The following PTPRO variants were observed in gnomAD, a reference collection of about 807,000 sequenced individuals.
The protein encoded by PTPRO is protein tyrosine phosphatase receptor type O, also known as receptor-type tyrosine-protein phosphatase O.
Under a neutral mutation model 145.2 loss-of-function variants are expected in PTPRO, and 62 were observed. The ratio of observed to expected loss-of-function variants is 0.43; its 90% CI spans 0.35 to 0.53. PTPRO has a LOEUF of 0.53. PTPRO is among the 20% of genes least tolerant of loss of function. The pLI is 0.01. For missense variants in PTPRO, 1,345 were observed against 1,482.7 expected (o/e 0.91, Z 1.53); for synonymous variants, 565 against 514.7 (o/e 1.10, Z -1.32).
At chr12:15,462,865 T>C (rs896460942) in intron 1 of PTPRO, among the ~76,000 whole-genome samples, 3 of 152,208 alleles carry the variant, frequency 2.0e-5, no homozygotes, top group African/African-American at 7.2e-5. Flanking sequence ...TAAAAATTTC[T>C]TTCTTACTTT....
chr12:15,430,762 A>G (rs1940413736), intron 1 of PTPRO, among the ~76,000 whole-genome samples: 1 of 152,188 alleles, frequency 6.6e-6, no homozygotes, highest in African/African-American at 2.4e-5. Context: ...AGGTAATGCA[A>G]TGTTAATTAG....
At chr12:15,432,777 C>A (rs753199906) in intron 1 of PTPRO, among the ~76,000 whole-genome samples, 5 of 152,112 alleles carry the variant, frequency 3.3e-5, no homozygotes, top group Non-Finnish European at 5.9e-5. Context: ...TTTTCATATG[C>A]TTGTTGGCCT....
chr12:15,354,734 G>A (rs1241253737), intron 1 of PTPRO, among the ~76,000 whole-genome samples: 1 of 152,032 alleles, frequency 6.6e-6, no homozygotes, highest in African/African-American at 2.4e-5. Flanking sequence ...TATATACATG[G>A]TCTTTCTGGA....
intron 12 of PTPRO, among the ~76,000 whole-genome samples, chr12:15,527,202 G>C (rs1942858327): frequency 6.6e-6 from 1 of 152,178 alleles, no homozygotes; most frequent in Admixed American, 6.5e-5. Context: ...CAGAGCCATA[G>C]AGAAGTGAAA....
chr12:15,550,602 T>C (rs1305669750), intron 14 of PTPRO, among the ~76,000 whole-genome samples: 1 of 152,188 alleles, frequency 6.6e-6, no homozygotes, highest in Non-Finnish European at 1.5e-5. Context: ...TCTCTCCAAA[T>C]AGCAGTACTC....
intron 1 of PTPRO, among the ~76,000 whole-genome samples, chr12:15,409,834 A>G (rs540256773): frequency 1.3e-5 from 2 of 152,352 alleles, no homozygotes; most frequent in Middle Eastern, 3.4e-3. Flanking sequence ...TAAACCCTTC[A>G]TGAGAAATCT....
intron 1 of PTPRO, among the ~76,000 whole-genome samples, chr12:15,462,239 C>T (rs1464223913): frequency 2.6e-5 from 4 of 152,162 alleles, no homozygotes; most frequent in Non-Finnish European, 2.9e-5. Context: ...GTTCTCCTGC[C>T]TCAGTGTCCC....
intron 1 of PTPRO, among the ~76,000 whole-genome samples, chr12:15,333,835 C>T (rs1170031080): frequency 1.3e-5 from 2 of 152,002 alleles, no homozygotes; most frequent in Non-Finnish European, 2.9e-5. Context: ...TAGAGTAAAC[C>T]ACTGAGGACC....
chr12:15,556,524 T>G (rs1394995948), intron 15 of PTPRO, among the ~76,000 whole-genome samples: 2 of 151,444 alleles, frequency 1.3e-5, no homozygotes, highest in Admixed American at 1.3e-4. Flanking sequence ...AAAAAAAAAC[T>G]TCAACAGTGT....
intron 1 of PTPRO, among the ~76,000 whole-genome samples, chr12:15,396,526 G>A (rs1939344592): frequency 6.6e-6 from 1 of 152,024 alleles, no homozygotes; most frequent in South Asian, 2.1e-4. Flanking sequence ...TATAAAACAT[G>A]TGAATCCAAA....
intron 7 of PTPRO, among the ~76,000 whole-genome samples, chr12:15,513,092 G>A (rs1271901680): frequency 8.1e-4 from 16 of 19,664 alleles, no homozygotes; most frequent in African/African-American, 2.0e-3. Context: ...AAGAAAGAAA[G>A]AAGAAAGAAA....
At position 15,468,243 on chromosome 12, in the gene PTPRO, G is replaced by C. The variant is rs185244207; in HGVS notation, c.76-15731G>C. 7.9e-5 allele frequency among the ~76,000 whole-genome samples: 12 copies of C among 152,212 alleles called. No homozygotes were observed. In the East Asian group the frequency reaches 2.3e-3, roughly 29 times the overall value. On this transcript the variant is annotated intron_variant, in intron 1 of 26. Coordinates refer to ENST00000281171, the MANE Select transcript of PTPRO (RefSeq NM_030667.3). ...ACTTTCCACCCCCAATAGGAATTCT[G>C]GAGCCAGCAAGTAACATCATAAAGT...
intron 7 of PTPRO, among the ~76,000 whole-genome samples, chr12:15,513,509 T>G (rs1942511931): frequency 6.6e-6 from 1 of 152,222 alleles, no homozygotes; most frequent in Non-Finnish European, 1.5e-5. Context: ...ATATGGCTCC[T>G]TTTACTTACA....
At chr12:15,444,228 C>T (rs1591817286) in intron 1 of PTPRO, among the ~76,000 whole-genome samples, 1 of 152,082 alleles carries the variant, frequency 6.6e-6, no homozygotes, top group South Asian at 2.1e-4. Flanking sequence ...CAAATTAACA[C>T]AGGAACAGAA....
At chr12:15,521,649 C>T (rs993633995) in intron 10 of PTPRO, among the ~76,000 whole-genome samples, 2 of 152,078 alleles carry the variant, frequency 1.3e-5, no homozygotes, top group African/African-American at 2.4e-5. Context: ...ATTTTCTCAC[C>T]GGTAGAACCC....
At chr12:15,390,520 C>T (rs1238989090) in intron 1 of PTPRO, among the ~76,000 whole-genome samples, 1 of 152,018 alleles carries the variant, frequency 6.6e-6, no homozygotes. Context: ...CCTGCCACCT[C>T]CCAGTGGGTC....
chr12:15,581,717 T>G lies in PTPRO; in HGVS notation c.3171T>G (p.Pro1057=), dbSNP rs1156915928. ...ATTACTGGCCATTCACGGAAGAACC[T>G]ATAGCCTATGGAGACATCACTGTGG... The part of the protein sequence containing the change: ...CDHYWPFTEE[P]IAYGDITVEM... Residue 1057 remains proline, a synonymous_variant, in exon 23 of 27, where the codon CCT becomes CCG. Coordinates refer to ENST00000281171, the MANE Select transcript of PTPRO (RefSeq NM_030667.3). 6.2e-7 allele frequency: 1 copy of G among 1,614,042 alleles called. No individual in the cohort carries two copies.
chr12:15,536,305 T>A (rs1165183295), intron 12 of PTPRO, among the ~76,000 whole-genome samples: 1 of 151,650 alleles, frequency 6.6e-6, no homozygotes, highest in Non-Finnish European at 1.5e-5. Flanking sequence ...TTGTGAGGAG[T>A]AGAGTAAGTG....
chr12:15,437,231 G>A (rs1490432097), intron 1 of PTPRO, among the ~76,000 whole-genome samples: 1 of 151,744 alleles, frequency 6.6e-6, no homozygotes, highest in Non-Finnish European at 1.5e-5. Flanking sequence ...TGGTACAGAG[G>A]GACCCTCTCT....
Sources: gnomAD v4.1 joint callset for allele counts (sites outside exome capture counted in the v4.1 genomes callset) on GRCh38, gnomAD v4.1.1 for gene constraint, MANE v1.5 for transcripts, NCBI Gene and HGNC (gene_info 2026-07-23, HGNC 2026-07-21) for gene names.